DNM3: variants seen among roughly 807,000 people sequenced by gnomAD.
DNM3 encodes the protein dynamin 3.
A neutral mutation model predicts 101.6 loss-of-function variants in DNM3; 47 were observed. That is an observed-to-expected ratio of 0.46 (90% confidence interval 0.37 to 0.59). The LOEUF (loss-of-function observed/expected upper bound fraction) is 0.59, where lower values mean the gene tolerates loss of function less well. Among genes scored for constraint, DNM3 ranks in the 20% least tolerant of loss-of-function variants. DNM3 has a pLI of 0.00. For missense variants in DNM3, 849 were observed against 1,085.7 expected (o/e 0.78, Z 3.06); for synonymous variants, 385 against 387.9 (o/e 0.99, Z 0.09).
rs147765770 is a variant in DNM3, at chr1:172,250,668, A to G, written c.1660-2905A>G. Among the ~76,000 whole-genome samples the G allele has an allele frequency of 3.7e-3, 564 of 152,200 alleles. 5 individuals carry two copies. Among genetic ancestry groups the G allele is most frequent in the South Asian group, 0.023 (113 of 4,816 alleles). On this transcript the variant is annotated intron_variant, in intron 14 of 20. Transcript: ENST00000627582. ...ACAAACTCTTCAAACACGATGTGAC[A>G]AAGTCTTGAAGTAATAAAGGAGGCA...
At chr1:171,976,570 G>A (rs2044388128) in intron 2 of DNM3, among the ~76,000 whole-genome samples, 1 of 152,148 alleles carries the variant, frequency 6.6e-6, no homozygotes, top group Non-Finnish European at 1.5e-5. Flanking sequence ...TGACATGTGG[G>A]AATTATGGGA....
At chr1:171,864,179 G>A (rs1379952139) in intron 1 of DNM3, 2 of 152,204 alleles carry the variant, frequency 1.3e-5, no homozygotes, top group East Asian at 3.8e-4. Context: ...CTGAGAGATT[G>A]CTTTCATTGC....
intron 4 of DNM3, among the ~76,000 whole-genome samples, chr1:171,992,911 A>G (rs2045732201): frequency 6.6e-6 from 1 of 152,000 alleles, no homozygotes; most frequent in African/African-American, 2.4e-5. Flanking sequence ...TAGGATTACA[A>G]TTAACATCTT....
At chr1:171,962,235 C>T (rs552688419) in intron 2 of DNM3, among the ~76,000 whole-genome samples, 6 of 152,272 alleles carry the variant, frequency 3.9e-5, no homozygotes, top group South Asian at 2.1e-4. Context: ...TCACTGCTAC[C>T]GCAGTAGGGA....
Position 172,331,020 on chromosome 1 carries a change from G to T in DNM3, c.1893+7680G>T, listed in dbSNP as rs77335271. On this transcript the variant is annotated intron_variant, in intron 17 of 20. Transcript: ENST00000627582. ...GTGCAAATATGTTATTTTCCTCACT[G>T]AATTGCATATTGTTGAAGGACTATA... Among the ~76,000 whole-genome samples, 291 of 152,208 alleles carry T rather than the reference G, an allele frequency of 1.9e-3. 8 individuals carry two copies. The East Asian group carries it at 0.051, about 27-fold the overall frequency.
At chr1:172,148,643 G>A (rs1298346576) in intron 14 of DNM3, among the ~76,000 whole-genome samples, 1 of 152,042 alleles carries the variant, frequency 6.6e-6, no homozygotes, top group African/African-American at 2.4e-5. Flanking sequence ...ATCTAACCAA[G>A]TTGTAGTGTT....
In DNM3 at chr1:172,409,338, A is replaced by T; in HGVS notation, c.*1497A>T. 1 of 985,280 alleles carries T rather than the reference A, an allele frequency of 1.0e-6. No individual in the cohort carries two copies. The highest frequency in any genetic ancestry group is 1.7e-5 in the African/African-American group (1 of 57,362). The allele number at this position is 985,280 out of a possible 1,614,324, so 61.0% of individuals were successfully genotyped here. ...TTAACTTAACTTTAATTTCCTGTGT[A>T]GTTTACACCCAGAGCAGATACTCAT... is the stretch of plus-strand genomic sequence containing the variant. On this transcript the variant is annotated 3_prime_UTR_variant, in exon 21 of 21. Coordinates refer to ENST00000627582, the MANE Select transcript of DNM3 (RefSeq NM_015569.5).
intron 15 of DNM3, among the ~76,000 whole-genome samples, chr1:172,299,086 T>C (rs982502074): frequency 2.0e-5 from 3 of 151,594 alleles, no homozygotes; most frequent in African/African-American, 7.3e-5. Context: ...CAAGATAGAG[T>C]AGGAATTAAC....
At chr1:172,260,597 T>C (rs1350848659) in intron 15 of DNM3, among the ~76,000 whole-genome samples, 1 of 152,120 alleles carries the variant, frequency 6.6e-6, no homozygotes, top group Non-Finnish European at 1.5e-5. Context: ...CTGCTTGTTC[T>C]GTCTTACTGT....
At chr1:172,121,218 A>G (rs1041783543) in intron 13 of DNM3, among the ~76,000 whole-genome samples, 1 of 152,166 alleles carries the variant, frequency 6.6e-6, no homozygotes, top group African/African-American at 2.4e-5. Flanking sequence ...GAAAAAAGTG[A>G]AAAAAACTAG....
At chr1:172,024,144 G>T (rs1484161599) in intron 4 of DNM3, among the ~76,000 whole-genome samples, 1 of 151,646 alleles carries the variant, frequency 6.6e-6, no homozygotes, top group Non-Finnish European at 1.5e-5. Context: ...TGGTCTCTGA[G>T]AATCTTTTTG....
intron 14 of DNM3, among the ~76,000 whole-genome samples, chr1:172,162,077 G>A (rs2058565063): frequency 6.6e-6 from 1 of 151,986 alleles, no homozygotes; most frequent in Admixed American, 6.6e-5. Flanking sequence ...ATACTTTAAA[G>A]CATTCATTCA....
At chr1:171,893,647 G>T (rs1414690357) in intron 1 of DNM3, among the ~76,000 whole-genome samples, 1 of 151,950 alleles carries the variant, frequency 6.6e-6, no homozygotes, top group Non-Finnish European at 1.5e-5. Context: ...TAGAGATGAG[G>T]TCTCATTATA....
intron 9 of DNM3, among the ~76,000 whole-genome samples, chr1:172,047,616 A>G (rs1168259480): frequency 6.6e-6 from 1 of 152,206 alleles, no homozygotes; most frequent in East Asian, 1.9e-4. Flanking sequence ...TTGATTCTGT[A>G]CCTCGTTCAG....
At chr1:172,308,468 C>A (rs921259220) in intron 15 of DNM3, among the ~76,000 whole-genome samples, 1 of 152,180 alleles carries the variant, frequency 6.6e-6, no homozygotes. Context: ...ATATTGAATA[C>A]ATTTGTATTT....
chr1:172,020,385 G>T (rs913763670), intron 4 of DNM3, among the ~76,000 whole-genome samples: 2 of 152,058 alleles, frequency 1.3e-5, no homozygotes, highest in Admixed American at 6.6e-5. Flanking sequence ...AGTAGTATAG[G>T]TTCTGGTTAA....
At chr1:172,187,822 T>C (rs2059578189) in intron 14 of DNM3, among the ~76,000 whole-genome samples, 1 of 152,126 alleles carries the variant, frequency 6.6e-6, no homozygotes, top group South Asian at 2.1e-4. Context: ...GATTTCATGT[T>C]TCTCTGAATA....
At chr1:172,001,772 G>A (rs1261979377) in intron 4 of DNM3, among the ~76,000 whole-genome samples, 1 of 151,986 alleles carries the variant, frequency 6.6e-6, no homozygotes, top group Non-Finnish European at 1.5e-5. Context: ...GCTGGTGGCA[G>A]ACTTTTAAAT....
chr1:172,355,581 T>C (rs1428314687), intron 17 of DNM3, among the ~76,000 whole-genome samples: 1 of 152,112 alleles, frequency 6.6e-6, no homozygotes, highest in South Asian at 2.1e-4. Context: ...ATTTCCATGG[T>C]GTGAATGCTC....
Sources: allele counts gnomAD v4.1 joint callset (sites outside exome capture counted in the v4.1 genomes callset), GRCh38; gene constraint gnomAD v4.1.1; transcripts MANE v1.5; gene names NCBI Gene and HGNC (gene_info 2026-07-23, HGNC 2026-07-21).